TENM4: variants seen among roughly 807,000 people sequenced by gnomAD.
TENM4 encodes teneurin-4.
TENM4 carries 82 observed loss-of-function variants against 243.3 expected under a neutral mutation model. The ratio of observed to expected loss-of-function variants is 0.34; its 90% CI spans 0.28 to 0.40. The LOEUF (loss-of-function observed/expected upper bound fraction) is 0.40. Ranked by LOEUF, TENM4 falls within the 10% of genes least tolerant of loss-of-function variation. TENM4 has a pLI of 1.00. For missense variants in TENM4, 3,138 were observed against 3,673.3 expected, an observed-to-expected ratio of 0.85 and a Z score of 3.77; for synonymous variants, 1,412 against 1,456.3, an observed-to-expected ratio of 0.97 and a Z score of 0.69.
chr11:78,760,315 G>A (rs920385570), intron 18 of TENM4, among the ~76,000 whole-genome samples: 25 of 152,220 alleles, frequency 1.6e-4, no homozygotes, highest in African/African-American at 6.0e-4. Context: ...GTGCTTAAGA[G>A]AGCCCTCTCT....
At chr11:78,946,303 C>G (rs1857000730) in intron 6 of TENM4, among the ~76,000 whole-genome samples, 1 of 152,188 alleles carries the variant, frequency 6.6e-6, no homozygotes, top group Non-Finnish European at 1.5e-5. Flanking sequence ...TCTGCCTGTG[C>G]TCTTTAAATG....
chr11:78,782,597 C>T (rs1038593375), intron 16 of TENM4, among the ~76,000 whole-genome samples: 3 of 151,486 alleles, frequency 2.0e-5, no homozygotes, highest in Non-Finnish European at 4.4e-5. Flanking sequence ...AACTCCATCT[C>T]AAAAAAACAA....
intron 1 of TENM4, among the ~76,000 whole-genome samples, chr11:79,384,678 C>A (rs940681644): frequency 1.4e-4 from 21 of 152,250 alleles, no homozygotes; most frequent in African/African-American, 1.4e-4. Context: ...GTAATCCCAG[C>A]ACTTTGGGAG....
chr11:79,335,457 T>C (rs1406043809), intron 1 of TENM4, among the ~76,000 whole-genome samples: 1 of 152,248 alleles, frequency 6.6e-6, no homozygotes, highest in Non-Finnish European at 1.5e-5. Flanking sequence ...AAGAAATGGC[T>C]GTATCTTCTC....
At chr11:79,405,380 C>G (rs1858544780) in intron 1 of TENM4, among the ~76,000 whole-genome samples, 1 of 148,922 alleles carries the variant, frequency 6.7e-6, no homozygotes, top group Non-Finnish European at 1.5e-5. Flanking sequence ...TTAGTCAAGA[C>G]AGAAACAGGA....
intron 1 of TENM4, among the ~76,000 whole-genome samples, chr11:79,324,822 G>A (rs1466074482): frequency 3.3e-5 from 5 of 152,182 alleles, no homozygotes; most frequent in Non-Finnish European, 5.9e-5. Flanking sequence ...AGGGTTCATA[G>A]CAGAGGACAC....
chr11:79,131,963 G>T (rs1179114332), intron 4 of TENM4, among the ~76,000 whole-genome samples: 2 of 152,066 alleles, frequency 1.3e-5, no homozygotes, highest in African/African-American at 4.8e-5. Context: ...AATGGTAAAA[G>T]GCCTTGTCCA....
At chr11:78,910,990 G>A (rs1241109745) in intron 6 of TENM4, among the ~76,000 whole-genome samples, 1 of 152,208 alleles carries the variant, frequency 6.6e-6, no homozygotes, top group Non-Finnish European at 1.5e-5. Flanking sequence ...AGCACCTTGA[G>A]GTCATAATAT....
chr11:78,949,531 T>C (rs1306639064), intron 6 of TENM4, among the ~76,000 whole-genome samples: 1 of 152,212 alleles, frequency 6.6e-6, no homozygotes, highest in African/African-American at 2.4e-5. Flanking sequence ...TTAGAAGTTA[T>C]CTTTAAATAG....
intron 2 of TENM4, among the ~76,000 whole-genome samples, chr11:79,265,898 C>T (rs1448390111): frequency 6.6e-6 from 1 of 152,094 alleles, no homozygotes; most frequent in Non-Finnish European, 1.5e-5. Context: ...GTCTCAGCTC[C>T]CTCCCACAAA....
Position 79,064,757 on chromosome 11 carries a change from C to A in TENM4, c.474G>T (p.Glu158Asp), listed in dbSNP as rs1234770534. 12 of 1,551,574 alleles carry A rather than the reference C, an allele frequency of 7.7e-6. No individual in the cohort carries two copies. The highest frequency in any genetic ancestry group is 1.0e-5 in the Non-Finnish European group (12 of 1,146,990). The stretch of plus-strand genomic sequence containing the variant: ...ACTCACCAGTCTCAGTGTTTTCATG[C>A]TCGGTGTCGGTGAGTGTGAGATTGG... The part of the protein sequence containing the change: ...ANSNLTLTDT[E>D]HENTETDHPG... Residue 158 changes from glutamate (E) to aspartate (D), a missense_variant, in exon 6 of 34, where the codon GAG becomes GAT. Glu to Asp is a conservative substitution (Grantham distance 45). Transcript: ENST00000278550.
chr11:79,313,931 C>G (rs1420428617), intron 1 of TENM4, among the ~76,000 whole-genome samples: 1 of 152,152 alleles, frequency 6.6e-6, no homozygotes, highest in Non-Finnish European at 1.5e-5. Flanking sequence ...TCTCTACTCC[C>G]CGGTGGCCAA....
intron 12 of TENM4, among the ~76,000 whole-genome samples, chr11:78,843,133 C>A (rs1422762679): frequency 6.6e-6 from 1 of 152,098 alleles, no homozygotes; most frequent in Non-Finnish European, 1.5e-5. Context: ...AAAAAATTAG[C>A]TGGGCATGGT....
chr11:78,821,860 TACTC>T (rs1045952415), intron 12 of TENM4, among the ~76,000 whole-genome samples: 32 of 152,344 alleles, frequency 2.1e-4, no homozygotes, highest in African/African-American at 7.7e-4. Flanking sequence ...AGAATCAACT[TACTC>T]ACTTTCTAAG....
At chr11:78,701,048 G>A (rs751404939) in intron 28 of TENM4, among the ~76,000 whole-genome samples, 2 of 152,114 alleles carry the variant, frequency 1.3e-5, no homozygotes, top group Admixed American at 1.3e-4. Flanking sequence ...ATGCAAAATG[G>A]TTAAAATGAA....
At chr11:79,122,680 A>AT (rs1861767119) in intron 4 of TENM4, among the ~76,000 whole-genome samples, 1 of 152,168 alleles carries the variant, frequency 6.6e-6, no homozygotes, top group South Asian at 2.1e-4. Flanking sequence ...TAAAAAGAAC[A>AT]AGAGTCCACT....
At chr11:78,698,408 C>CAACCAACCAACCAACA (rs1047029241) in intron 28 of TENM4, among the ~76,000 whole-genome samples, 2 of 151,800 alleles carry the variant, frequency 1.3e-5, no homozygotes, top group African/African-American at 4.9e-5. Context: ...CGAACCAAAC[C>CAACCAACCAACCAACA]AACCAACCAA....
intron 3 of TENM4, among the ~76,000 whole-genome samples, chr11:79,181,470 T>C (rs1000761067): frequency 6.6e-6 from 1 of 152,068 alleles, no homozygotes; most frequent in African/African-American, 2.4e-5. Context: ...CTACAAAAAA[T>C]CTACTGGTAA....
chr11:79,084,469 G>C (rs1591269723), intron 4 of TENM4, among the ~76,000 whole-genome samples: 1 of 152,252 alleles, frequency 6.6e-6, no homozygotes, highest in Non-Finnish European at 1.5e-5. Context: ...AAACAACCCA[G>C]ATATCCTTCA....
Sources: allele counts gnomAD v4.1 joint callset (sites outside exome capture counted in the v4.1 genomes callset), GRCh38; gene constraint gnomAD v4.1.1; transcripts MANE v1.5; gene names NCBI Gene and HGNC (gene_info 2026-07-23, HGNC 2026-07-21).